Variants in CDIN1 observed in about 807,000 individuals in gnomAD.
CDIN1 encodes CDAN1 interacting nuclease 1, also known as CDAN1-interacting nuclease 1.
In CDIN1, 33 loss-of-function variants were observed where a neutral mutation model predicts 45.3. The observed-to-expected ratio is 0.73, with a 90% CI of 0.55 to 0.97. The LOEUF is 0.97. Among genes scored for constraint, CDIN1 ranks in the 50% least tolerant of loss-of-function variants. The probability of loss-of-function intolerance (pLI) is 0.00; values close to 1 mark genes in which losing one functional copy is unlikely to be tolerated. For missense variants in CDIN1, 303 were observed against 339.4 expected (o/e 0.89, Z 0.84); for synonymous variants, 118 against 124.4 (o/e 0.95, Z 0.34).
rs777806861 is a variant in CDIN1 at position 36,709,867 on chromosome 15, C to T, written c.622C>T (p.His208Tyr). The T allele has an allele frequency of 6.2e-7, 1 of 1,613,140 alleles. No individual in the cohort carries two copies. The highest frequency in any genetic ancestry group is 1.7e-5 in the Admixed American group (1 of 59,938). The stretch of plus-strand genomic sequence containing the variant: ...GCTTTGTCCCTTAGCTGTAGAAGGG[C>T]ACATAATTCACTGGATTGAAAGCAA... The part of the protein sequence containing the change: ...ILQVPVAVEG[H>Y]IIHWIESKAS... The change falls in exon 10 of 11, where the codon CAC becomes TAC. Residue 208 changes from histidine (H) to tyrosine (Y), a missense_variant. Coordinates refer to ENST00000566621, the MANE Select transcript of CDIN1 (RefSeq NM_001321759.2).
chr15:36,758,052 T>C (rs1449298715), intron 10 of CDIN1, among the ~76,000 whole-genome samples: 1 of 152,128 alleles, frequency 6.6e-6, no homozygotes, highest in Non-Finnish European at 1.5e-5. Context: ...ATAGTACATA[T>C]AGCGTCTGGT....
intron 10 of CDIN1, 142 bp from the exon 11 acceptor site, chr15:36,808,182 A>G: frequency 9.1e-7 from 1 of 1,104,010 alleles, no homozygotes; most frequent in Non-Finnish European, 1.3e-6. Flanking sequence ...AAGTTTGGCT[A>G]TTTTCAGTCA....
intron 1 of CDIN1, among the ~76,000 whole-genome samples, chr15:36,608,137 T>C (rs1458839801): frequency 6.6e-6 from 1 of 152,236 alleles, no homozygotes; most frequent in African/African-American, 2.4e-5. Context: ...AATGCTTCTA[T>C]GAACATTAAT....
intron 8 of CDIN1, among the ~76,000 whole-genome samples, chr15:36,697,798 C>T (rs756597588): frequency 1.3e-5 from 2 of 152,170 alleles, no homozygotes; most frequent in Non-Finnish European, 2.9e-5. Context: ...AGTACTTTTA[C>T]TTGAAAGCAA....
chr15:36,738,601 C>G (rs984020503), intron 10 of CDIN1, among the ~76,000 whole-genome samples: 2 of 152,136 alleles, frequency 1.3e-5, no homozygotes, highest in Non-Finnish European at 2.9e-5. Context: ...ACGTTGCTGC[C>G]CCAGGCCTTT....
intron 10 of CDIN1, among the ~76,000 whole-genome samples, chr15:36,714,499 A>G (rs1226385047): frequency 6.6e-6 from 1 of 152,172 alleles, no homozygotes; most frequent in Non-Finnish European, 1.5e-5. Context: ...AAATATGTAA[A>G]GTTACATATT....
At chr15:36,617,898 TA>T in intron 1 of CDIN1, 2 of 769,384 alleles carry the variant, frequency 2.6e-6, no homozygotes, top group Non-Finnish European at 4.8e-6. Context: ...ATGGCAAGGA[TA>T]AAAGCCATCA....
chr15:36,793,077 C>T (rs918970442), intron 10 of CDIN1, among the ~76,000 whole-genome samples: 3 of 152,156 alleles, frequency 2.0e-5, no homozygotes, highest in African/African-American at 7.2e-5. Context: ...CAAGACTGAA[C>T]CCAGAGACAC....
intron 10 of CDIN1, among the ~76,000 whole-genome samples, chr15:36,796,556 G>C (rs1480792578): frequency 6.6e-6 from 1 of 152,148 alleles, no homozygotes; most frequent in Non-Finnish European, 1.5e-5. Context: ...AGTGCAGGAT[G>C]GCCTCCCAGA....
intron 10 of CDIN1, among the ~76,000 whole-genome samples, chr15:36,738,300 A>G (rs1480702154): frequency 1.3e-5 from 2 of 152,168 alleles, no homozygotes; most frequent in Non-Finnish European, 2.9e-5. Context: ...CAGCGTAGCC[A>G]TATCTGAATT....
intron 4 of CDIN1, among the ~76,000 whole-genome samples, chr15:36,654,526 A>C (rs1038262266): frequency 1.2e-4 from 18 of 151,860 alleles, no homozygotes; most frequent in South Asian, 4.2e-4. Context: ...AAAAAAAAAA[A>C]AAAAAACTGC....
intron 10 of CDIN1, among the ~76,000 whole-genome samples, chr15:36,710,411 T>C (rs1351062189): frequency 6.6e-6 from 1 of 152,194 alleles, no homozygotes; most frequent in Non-Finnish European, 1.5e-5. Context: ...ATAGTTTACC[T>C]ACCAACTCAT....
chr15:36,589,393 T>C (rs183910167), intron 1 of CDIN1, among the ~76,000 whole-genome samples: 10 of 152,392 alleles, frequency 6.6e-5, no homozygotes, highest in Non-Finnish European at 1.3e-4. Context: ...TTGAAGATGT[T>C]TCTCCTTTCT....
intron 5 of CDIN1, among the ~76,000 whole-genome samples, chr15:36,672,804 A>T (rs979031574): frequency 1.3e-5 from 2 of 151,892 alleles, no homozygotes; most frequent in Non-Finnish European, 2.9e-5. Context: ...TTAAAAAAAA[A>T]AAGGCAAGGG....
At chr15:36,763,752 G>A (rs1409341881) in intron 10 of CDIN1, among the ~76,000 whole-genome samples, 1 of 152,120 alleles carries the variant, frequency 6.6e-6, no homozygotes, top group Non-Finnish European at 1.5e-5. Flanking sequence ...TGTGTTCTCT[G>A]TGTAGAGTTC....
chr15:36,630,181 G>T (rs993042884), intron 1 of CDIN1, among the ~76,000 whole-genome samples: 4 of 152,136 alleles, frequency 2.6e-5, no homozygotes, highest in African/African-American at 9.7e-5. Context: ...AGGCCTAGAG[G>T]TCTTCAGAGA....
chr15:36,635,333 G>C (rs190871004), intron 1 of CDIN1, among the ~76,000 whole-genome samples: 45 of 152,286 alleles, frequency 3.0e-4, no homozygotes, highest in African/African-American at 1.1e-3. Flanking sequence ...AAATGCAATT[G>C]ACCCTTGAAC....
intron 1 of CDIN1, among the ~76,000 whole-genome samples, chr15:36,590,356 A>G (rs936894670): frequency 6.6e-6 from 1 of 152,246 alleles, no homozygotes; most frequent in African/African-American, 2.4e-5. Flanking sequence ...TAAAGCTATT[A>G]TACTTAAAGC....
At chr15:36,793,002 C>A (rs745841039) in intron 10 of CDIN1, among the ~76,000 whole-genome samples, 35 of 152,254 alleles carry the variant, frequency 2.3e-4, no homozygotes, top group Middle Eastern at 3.4e-3. Flanking sequence ...TCTCTCCACT[C>A]GATCTGCATG....
Sources: allele counts gnomAD v4.1 joint callset (sites outside exome capture counted in the v4.1 genomes callset), GRCh38; gene constraint gnomAD v4.1.1; transcripts MANE v1.5; gene names NCBI Gene and HGNC (gene_info 2026-07-23, HGNC 2026-07-21).